Variants in LTN1 observed in about 807,000 individuals in gnomAD.
LTN1 encodes E3 ubiquitin-protein ligase listerin.
In LTN1, 88 loss-of-function variants were observed where a neutral mutation model predicts 201.2. The ratio of observed to expected loss-of-function variants is 0.44; its 90% CI spans 0.37 to 0.52. The LOEUF is 0.52. LTN1 is among the 20% of genes least tolerant of loss of function. The probability of loss-of-function intolerance (pLI) is 0.00; values close to 1 mark genes in which losing one functional copy is unlikely to be tolerated. For missense variants in LTN1, 1,752 were observed against 2,038.7 expected, an observed-to-expected ratio of 0.86 and a Z score of 2.71; for synonymous variants, 645 against 713.5, an observed-to-expected ratio of 0.90 and a Z score of 1.53.
chr21:28,986,297 T>C lies in LTN1; in HGVS notation c.247-60A>G. On this transcript the variant is annotated intron_variant, in intron 2 of 29. Coordinates refer to ENST00000361371, the MANE Select transcript of LTN1 (RefSeq NM_015565.3). The surrounding 1 kb of genome is among the most constrained non-coding windows in gnomAD (Gnocchi z 4.1). The stretch of plus-strand genomic sequence containing the variant: ...AACCATAATAACTGGCTATAGATTA[T>C]TCTGTTCTGGAAGCTTTGTCTATTT... 2 of 998,992 alleles carry C rather than the reference T, an allele frequency of 2.0e-6. No individual in the cohort carries two copies. Among genetic ancestry groups the C allele is most frequent in the Non-Finnish European group, 3.1e-6 (2 of 641,140 alleles). 61.9% of individuals were successfully genotyped at this position (998,992 alleles called of 1,614,324 possible).
At chr21:28,953,872 G>A (rs1360307492) in intron 16 of LTN1, among the ~76,000 whole-genome samples, 2 of 152,062 alleles carry the variant, frequency 1.3e-5, no homozygotes, top group Admixed American at 6.6e-5. Context: ...AGGATACTAC[G>A]AACTACCTCA....
rs2084657934 is a variant in LTN1 at position 28,981,425 on chromosome 21, T to G, written c.630-126A>C. 5.9e-6 allele frequency: 3 copies of G among 506,384 alleles called. No homozygotes were observed. In the East Asian group the frequency reaches 1.0e-4, roughly 18 times the overall value. 31.4% of individuals were successfully genotyped at this position (506,384 alleles called of 1,614,324 possible). A position where few individuals can be genotyped will look rare whatever the true frequency, so the allele number is the denominator to read the frequency against. ...AAGTTGCTTTATTTCTATCTTCTATTTCCCCTGTGCCAACGCCCCTCAAAA... is the reference window on the plus strand; with the variant it reads ...AAGTTGCTTTATTTCTATCTTCTATGTCCCCTGTGCCAACGCCCCTCAAAA... On this transcript the variant is annotated intron_variant, in intron 5 of 29. Coordinates refer to ENST00000361371, the MANE Select transcript of LTN1 (RefSeq NM_015565.3).
intron 27 of LTN1, 122 bp from the exon 28 acceptor site, chr21:28,932,786 C>T (rs2084221770): frequency 1.6e-6 from 1 of 617,688 alleles, no homozygotes; most frequent in African/African-American, 1.9e-5. Context: ...TAAATACATT[C>T]ACTTATCTGA....
At position 28,956,894 on chromosome 21, in the gene LTN1, T is replaced by C. The variant is rs780489924; in HGVS notation, c.2947A>G (p.Lys983Glu). The change falls in exon 16 of 30, where the codon AAA (lysine) becomes GAA (glutamate). Residue 983 changes from lysine (K) to glutamate (E), a missense_variant. This residue lies in a region of LTN1 where 1,211 missense variants were observed against 1,312.8 expected (regional missense o/e 0.92). Transcript: ENST00000361371. ...GRLSLNYECF[K>E]TDFKEQDIKT... ...ATGTCCTGTTCCTTAAAATCTGTTT[T>C]GAAACATTCATAATTCAAACTCAAT... 1.1e-5 allele frequency: 17 copies of C among 1,610,496 alleles called. No homozygotes were observed. Among genetic ancestry groups the C allele is most frequent in the Non-Finnish European group, 1.4e-5 (17 of 1,178,322 alleles).
At chr21:28,973,248 G>A (rs2084589138) in intron 6 of LTN1, among the ~76,000 whole-genome samples, 2 of 150,028 alleles carry the variant, frequency 1.3e-5, no homozygotes, top group South Asian at 4.2e-4. Context: ...TTGGGAGGCT[G>A]AGGCACAAAA....
At chr21:28,956,632 A>G in intron 16 of LTN1, 130 bp downstream of exon 16, 1 of 528,838 alleles carries the variant, frequency 1.9e-6, no homozygotes, top group Non-Finnish European at 3.2e-6. Flanking sequence ...CAAGGTTCTC[A>G]TCATTAAAAT....
At chr21:28,933,867 G>A (rs1219007582) in intron 27 of LTN1, among the ~76,000 whole-genome samples, 1 of 152,000 alleles carries the variant, frequency 6.6e-6, no homozygotes, top group African/African-American at 2.4e-5. Flanking sequence ...GTAGAGATGG[G>A]GTTTCTCCAT....
chr21:28,953,465 C>G, intron 16 of LTN1, 89 bp from the exon 17 acceptor site: 1 of 912,004 alleles, frequency 1.1e-6, no homozygotes, highest in Admixed American at 2.9e-5. Context: ...TTTTCTAACA[C>G]TGTTGTGCCC....
At position 28,957,440 on chromosome 21, in the gene LTN1, T is replaced by C; in HGVS notation, c.2784A>G (p.Leu928=). The change falls in exon 15 of 30, where the codon CTA becomes CTG. Residue 928 remains leucine, a synonymous_variant. Transcript: ENST00000361371. ...AATCTTCACTCTCTAGAAGTGTATT[T>C]AGCAAATCATCAACAGCAGACAAGA... is the stretch of plus-strand genomic sequence containing the variant. ...QVLLSAVDDL[L]NTLLESEDSY... is the part of the protein sequence containing the mutation. The C allele has an allele frequency of 6.3e-7, 1 of 1,588,496 alleles. No homozygotes were observed. Among genetic ancestry groups the C allele is most frequent in the Non-Finnish European group, 8.5e-7 (1 of 1,171,058 alleles).
intron 11 of LTN1, chr21:28,964,627 T>TA: frequency 6.5e-7 from 1 of 1,549,948 alleles, no homozygotes; most frequent in Non-Finnish European, 8.7e-7. Flanking sequence ...AGAAGCTGCC[T>TA]AGCTGTAAGG....
At chr21:28,977,224 A>T (rs1185622670) in intron 6 of LTN1, among the ~76,000 whole-genome samples, 1 of 152,092 alleles carries the variant, frequency 6.6e-6, no homozygotes, top group Non-Finnish European at 1.5e-5. Context: ...AAATACAAAA[A>T]TTAGCTGGGC....
intron 25 of LTN1, among the ~76,000 whole-genome samples, chr21:28,939,631 A>G (rs1289740426): frequency 6.6e-6 from 1 of 152,182 alleles, no homozygotes. Context: ...TTCAGACTCA[A>G]TAATAATAAA....
At chr21:28,934,604 G>A (rs189646691) in intron 27 of LTN1, among the ~76,000 whole-genome samples, 75 of 152,220 alleles carry the variant, frequency 4.9e-4, no homozygotes, top group African/African-American at 1.6e-3. Flanking sequence ...ACTGGCGCCC[G>A]CCACCACGCA....
Position 28,982,359 on chromosome 21 carries a change from C to T in LTN1, c.586G>A (p.Asp196Asn). 1 of 1,613,416 alleles carries T rather than the reference C, an allele frequency of 6.2e-7. No homozygotes were observed. The highest frequency in any genetic ancestry group is 1.1e-5 in the South Asian group (1 of 91,062). ...TCAGGTGTTTCTTTTATAAGATGAT[C>T]CTGCAGCACCTACAAAGGGGGGAAA... The part of the protein sequence containing the change: ...CKDEITSVLQ[D>N]HLIKETPDTL... The change falls in exon 5 of 30, where the codon GAT (aspartate) becomes AAT (asparagine). Residue 196 changes from aspartate (D) to asparagine (N), a missense_variant. By Grantham distance (23) the Asp-to-Asn change is conservative. Around this residue, in one of 3 missense-constraint regions of LTN1, gnomAD observed 280 missense variants for 375.7 expected, o/e 0.75. Transcript: ENST00000361371.
intron 1 of LTN1, among the ~76,000 whole-genome samples, chr21:28,988,802 C>T (rs900673306): frequency 6.6e-6 from 1 of 151,794 alleles, no homozygotes; most frequent in Non-Finnish European, 1.5e-5. Context: ...GCCGTCTCTA[C>T]TAAAAATACA....
At chr21:28,969,709 T>C (rs1037021063) in intron 8 of LTN1, 108 bp from the exon 9 acceptor site, 1 of 686,194 alleles carries the variant, frequency 1.5e-6, no homozygotes, top group Non-Finnish European at 2.3e-6. Flanking sequence ...GAAACATTTT[T>C]AAAGCAGTTT....
intron 22 of LTN1, 50 bp from the exon 23 acceptor site, chr21:28,943,954 T>C (rs1257572560): frequency 3.8e-6 from 4 of 1,043,608 alleles, no homozygotes; most frequent in Non-Finnish European, 6.0e-6. Context: ...AAAGTTAGTA[T>C]AGCTTAAATG....
chr21:28,955,432 A>G (rs2084417032), intron 16 of LTN1, among the ~76,000 whole-genome samples: 1 of 152,208 alleles, frequency 6.6e-6, no homozygotes, highest in Admixed American at 6.5e-5. Flanking sequence ...AAAAAACTAA[A>G]AATAGAACTA....
At chr21:28,962,448 T>C (rs2084486784) in intron 11 of LTN1, among the ~76,000 whole-genome samples, 1 of 152,232 alleles carries the variant, frequency 6.6e-6, no homozygotes. Flanking sequence ...CTGCAATCAG[T>C]GACTTTTGAT....
Sources: allele counts gnomAD v4.1 joint callset (sites outside exome capture counted in the v4.1 genomes callset), GRCh38; gene constraint gnomAD v4.1.1; regional missense constraint gnomAD v4.1.1; non-coding constraint Gnocchi (gnomAD v3.1); transcripts MANE v1.5; gene names NCBI Gene and HGNC (gene_info 2026-07-23, HGNC 2026-07-21).